Variants in GRIN2A observed in about 807,000 individuals in gnomAD.
The protein encoded by GRIN2A is glutamate receptor ionotropic, NMDA 2A.
GRIN2A carries 22 observed loss-of-function variants against 113.4 expected under a neutral mutation model. That is an observed-to-expected ratio of 0.19 (90% CI 0.14 to 0.28). The LOEUF (loss-of-function observed/expected upper bound fraction) is 0.28. Among genes scored for constraint, GRIN2A ranks in the 10% least tolerant of loss-of-function variants. GRIN2A has a pLI of 1.00. For synonymous variants in GRIN2A, 827 were observed against 738.4 expected (o/e 1.12, Z -1.94); for missense variants, 1,502 against 1,887.0 (o/e 0.80, Z 3.78).
chr16:10,179,257 C>G (rs1419170841), intron 2 of GRIN2A, among the ~76,000 whole-genome samples: 5 of 152,226 alleles, frequency 3.3e-5, no homozygotes, highest in East Asian at 3.8e-4. Context: ...GTTCAGGAGC[C>G]AACTCCTTCA....
intron 2 of GRIN2A, among the ~76,000 whole-genome samples, chr16:10,003,406 A>T (rs941805818): frequency 6.6e-6 from 1 of 152,256 alleles, no homozygotes; most frequent in African/African-American, 2.4e-5. Context: ...GGATAATTAA[A>T]GAACAAAGTT....
In GRIN2A at chr16:9,932,794, C is replaced by T. The variant is rs1023674883; in HGVS notation, c.1007+5165G>A. Among the ~76,000 whole-genome samples, 3 of 152,196 alleles carry T rather than the reference C, an allele frequency of 2.0e-5. No individual in the cohort carries two copies. In the South Asian group the frequency reaches 6.2e-4, roughly 31 times the overall value. On this transcript the variant is annotated intron_variant, in intron 3 of 12. Coordinates refer to ENST00000330684, the MANE Select transcript of GRIN2A (RefSeq NM_001134407.3). ...AAATGCTTTTCTTGTCCCCATATTA[C>T]ACCTGAGGGAGCCGACGTGGAGTTC...
Position 9,764,549 on chromosome 16 carries a change from C to A in GRIN2A, c.2995G>T (p.Ala999Ser). The change falls in exon 13 of 13, where the codon GCC (alanine) becomes TCC (serine). Residue 999 changes from alanine to serine, a missense_variant. By Grantham distance (99) the Ala-to-Ser change is moderately conservative (BLOSUM62 1). Around this residue, in one of 7 missense-constraint regions of GRIN2A, gnomAD observed 832 missense variants for 789.7 expected, o/e 1.05. Transcript: ENST00000330684. Reference sequence around the variant, plus strand: ...TTCGCTTTGGATTCTGTGCTCACGGCCACCTCCACCGTGTTAGGGTTGGAC... The same window carrying A: ...TTCGCTTTGGATTCTGTGCTCACGGACACCTCCACCGTGTTAGGGTTGGAC... ...NESNPNTVEV[A>S]VSTESKANSR... The A allele has an allele frequency of 6.2e-7, 1 of 1,613,934 alleles. No individual in the cohort carries two copies. Among genetic ancestry groups the A allele is most frequent in the African/African-American group, 1.3e-5 (1 of 75,028 alleles).
At chr16:9,957,427 G>A (rs559158871) in intron 2 of GRIN2A, among the ~76,000 whole-genome samples, 14 of 152,320 alleles carry the variant, frequency 9.2e-5, no homozygotes, top group Admixed American at 2.6e-4. Context: ...GCACTCTTCA[G>A]TATTTGGGTC....
intron 2 of GRIN2A, among the ~76,000 whole-genome samples, chr16:10,152,243 G>A (rs10438525): frequency 0.061 from 9,296 of 152,234 alleles, 815 homozygotes; most frequent in African/African-American, 0.19. Flanking sequence ...ATCAAAGTTA[G>A]GAAGAGTCAG....
chr16:10,008,782 G>A (rs1290336268), intron 2 of GRIN2A, among the ~76,000 whole-genome samples: 1 of 152,162 alleles, frequency 6.6e-6, no homozygotes, highest in Non-Finnish European at 1.5e-5. Flanking sequence ...CACATTCCAT[G>A]CAACTGTTAG....
At chr16:10,102,202 T>C (rs2048413274) in intron 2 of GRIN2A, among the ~76,000 whole-genome samples, 1 of 152,274 alleles carries the variant, frequency 6.6e-6, no homozygotes, top group Non-Finnish European at 1.5e-5. Flanking sequence ...AGGTAGGGCC[T>C]GGCGGGAGGC....
intron 2 of GRIN2A, among the ~76,000 whole-genome samples, chr16:10,070,466 A>T (rs1567276521): frequency 6.6e-6 from 1 of 152,228 alleles, no homozygotes; most frequent in Non-Finnish European, 1.5e-5. Flanking sequence ...TCCACAGCTC[A>T]GAAGCCAGCC....
At chr16:9,915,934 T>C (rs12925829) in intron 3 of GRIN2A, among the ~76,000 whole-genome samples, 65,212 of 152,084 alleles carry the variant, frequency 0.43, 14,411 homozygotes, top group Non-Finnish European at 0.45. Flanking sequence ...CTAATTACTG[T>C]AGATGTGATA....
At chr16:10,029,517 T>TA (rs534243980) in intron 2 of GRIN2A, among the ~76,000 whole-genome samples, 2 of 151,814 alleles carry the variant, frequency 1.3e-5, no homozygotes, top group East Asian at 3.9e-4. Flanking sequence ...AACAGTATTT[T>TA]AAAAAAAAGA....
intron 4 of GRIN2A, among the ~76,000 whole-genome samples, chr16:9,865,914 T>C (rs2043153294): frequency 6.6e-6 from 1 of 152,216 alleles, no homozygotes; most frequent in South Asian, 2.1e-4. Flanking sequence ...AATGTGAGTG[T>C]CCCTAAATAA....
At chr16:9,892,884 C>T (rs2043723681) in intron 3 of GRIN2A, among the ~76,000 whole-genome samples, 1 of 146,490 alleles carries the variant, frequency 6.8e-6, no homozygotes, top group African/African-American at 2.6e-5. Context: ...CAGAAAGATA[C>T]TGTGTCACTT....
At chr16:9,925,941 C>T (rs760678449) in intron 3 of GRIN2A, among the ~76,000 whole-genome samples, 5 of 152,184 alleles carry the variant, frequency 3.3e-5, no homozygotes, top group Non-Finnish European at 5.9e-5. Flanking sequence ...TACTTTACTA[C>T]GTTAAATGAC....
intron 2 of GRIN2A, among the ~76,000 whole-genome samples, chr16:10,141,922 C>T (rs992834132): frequency 2.6e-5 from 4 of 152,210 alleles, no homozygotes; most frequent in Non-Finnish European, 5.9e-5. Context: ...TGCTTTCCAC[C>T]ACAGCACTAT....
intron 11 of GRIN2A, among the ~76,000 whole-genome samples, chr16:9,777,829 C>T (rs1422171449): frequency 2.0e-5 from 3 of 152,128 alleles, no homozygotes; most frequent in Non-Finnish European, 2.9e-5. Context: ...TCTGGGAGGC[C>T]GAGGCACGCA....
At position 9,764,637 on chromosome 16, in the gene GRIN2A, G is replaced by C. The variant is rs772589363; in HGVS notation, c.2907C>G (p.Asn969Lys). Residue 969 changes from asparagine (N) to lysine (K), a missense_variant, in exon 13 of 13, where the codon AAC becomes AAG. Coordinates refer to ENST00000330684, the MANE Select transcript of GRIN2A (RefSeq NM_001134407.3). ...AGTTATTGAGGTTATCCTTCTGCCGGTTGGCCACAAATGTTTGGAGTTCGT... is the reference window on the plus strand; with the variant it reads ...AGTTATTGAGGTTATCCTTCTGCCGCTTGGCCACAAATGTTTGGAGTTCGT... ...NMNELQTFVA[N>K]RQKDNLNNYV... The C allele has an allele frequency of 2.0e-5, 33 of 1,614,014 alleles. No homozygotes were observed. Among genetic ancestry groups the C allele is most frequent in the Non-Finnish European group, 2.8e-5 (33 of 1,180,004 alleles).
chr16:9,901,901 T>C (rs1277460833), intron 3 of GRIN2A, among the ~76,000 whole-genome samples: 1 of 152,234 alleles, frequency 6.6e-6, no homozygotes, highest in African/African-American at 2.4e-5. Context: ...AATATGTGAG[T>C]AAGAGCGATC....
At chr16:10,014,683 C>G (rs2046569293) in intron 2 of GRIN2A, among the ~76,000 whole-genome samples, 1 of 151,980 alleles carries the variant, frequency 6.6e-6, no homozygotes, top group South Asian at 2.1e-4. Context: ...GAGTCCCAGA[C>G]AAAGGGAAAC....
At chr16:10,069,778 C>T (rs2047715788) in intron 2 of GRIN2A, among the ~76,000 whole-genome samples, 1 of 152,250 alleles carries the variant, frequency 6.6e-6, no homozygotes, top group African/African-American at 2.4e-5. Flanking sequence ...AGGCCCAAGG[C>T]CACTCATACA....
Sources: gnomAD v4.1 joint callset for allele counts (sites outside exome capture counted in the v4.1 genomes callset) on GRCh38, gnomAD v4.1.1 for gene constraint, gnomAD v4.1.1 regional missense constraint, MANE v1.5 for transcripts, NCBI Gene and HGNC (gene_info 2026-07-23, HGNC 2026-07-21) for gene names.